The following LANCL1 variants were observed in gnomAD, a reference collection of about 807,000 sequenced individuals.
The protein encoded by LANCL1 is glutathione S-transferase LANCL1.
LANCL1 carries 50 observed loss-of-function variants against 50.6 expected under a neutral mutation model. The observed-to-expected ratio is 0.99, with a 90% CI of 0.79 to 1.25. LANCL1 has a LOEUF of 1.25. Ranked by LOEUF, LANCL1 falls within the 50% of genes most tolerant of loss-of-function variation. The pLI is 0.00. For missense variants in LANCL1, 532 were observed against 480.7 expected (o/e 1.11, Z -1.00); for synonymous variants, 188 against 178.6 (o/e 1.05, Z -0.42).
chr2:210,476,231 G>T, intron 2 of LANCL1, 85 bp downstream of exon 2: 1 of 839,120 alleles, frequency 1.2e-6, no homozygotes, highest in South Asian at 1.5e-5. Flanking sequence ...AAAGGGGGAT[G>T]CTCAACTCTC....
intron 4 of LANCL1, among the ~76,000 whole-genome samples, chr2:210,454,817 T>G (rs1248654018): frequency 1.3e-5 from 2 of 152,204 alleles, no homozygotes; most frequent in African/African-American, 4.8e-5. Context: ...TTACAGATCT[T>G]GGATAGCACT....
At chr2:210,471,492 G>A in intron 3 of LANCL1, 1 of 435,986 alleles carries the variant, frequency 2.3e-6, no homozygotes, top group Non-Finnish European at 4.6e-6. Context: ...TTAGTTCATG[G>A]AAGTAATACT....
intron 3 of LANCL1, among the ~76,000 whole-genome samples, chr2:210,471,235 T>C (rs1034889378): frequency 1.3e-5 from 2 of 151,858 alleles, no homozygotes; most frequent in East Asian, 3.9e-4. Context: ...TTAGTAAAGA[T>C]GGGGTTGCAC....
At chr2:210,461,286 A>T (rs2105915463) in intron 3 of LANCL1, among the ~76,000 whole-genome samples, 1 of 152,048 alleles carries the variant, frequency 6.6e-6, no homozygotes, top group Admixed American at 6.6e-5. Context: ...AGCTCTTTCT[A>T]CTTGTCCTAA....
intron 6 of LANCL1, 106 bp downstream of exon 6, chr2:210,440,492 G>T: frequency 9.3e-7 from 1 of 1,075,470 alleles, no homozygotes; most frequent in Non-Finnish European, 1.3e-6. Context: ...CTGTAATGCA[G>T]TGGTTGACAG....
intron 6 of LANCL1, among the ~76,000 whole-genome samples, chr2:210,438,606 G>A (rs1176625815): frequency 3.3e-5 from 5 of 152,094 alleles, no homozygotes; most frequent in Admixed American, 1.3e-4. Context: ...CATGACTTTC[G>A]TTATTACATT....
rs748440609 is a variant in LANCL1, at chr2:210,440,684, T to C, written c.604A>G (p.Lys202Glu). The C allele has an allele frequency of 5.6e-6, 9 of 1,613,976 alleles. No individual in the cohort carries two copies. The East Asian group carries it at 2.0e-4, about 36-fold the overall frequency. Residue 202 changes from lysine to glutamate, a missense_variant, in exon 6 of 10, where the codon AAG (lysine) becomes GAG (glutamate). Transcript: ENST00000450366. Reference sequence around the variant, plus strand: ...TACCATTCATACATCAGTGGAGACTTTGCCGTGAAGTTTCTCTTCCTAGCT... The same window carrying C: ...TACCATTCATACATCAGTGGAGACTCTGCCGTGAAGTTTCTCTTCCTAGCT... ...NLARKRNFTA[K>E]SPLMYEWYQE...
rs1694244491 is a variant in LANCL1, at chr2:210,472,090, G to A, written c.82-14C>T. On this transcript the variant is annotated splice_polypyrimidine_tract_variant and intron_variant, in intron 2 of 9. Transcript: ENST00000450366. The stretch of plus-strand genomic sequence containing the variant: ...CTCAGGAGTCAGCTAGATATTAAAG[G>A]AAAACAAGTATCAAAATAATGTGGG... 4 of 1,563,370 alleles carry A rather than the reference G, an allele frequency of 2.6e-6. No homozygotes were observed. Among genetic ancestry groups the A allele is most frequent in the Non-Finnish European group, 2.6e-6 (3 of 1,134,290 alleles).
intron 4 of LANCL1, among the ~76,000 whole-genome samples, chr2:210,443,234 G>A (rs1374467689): frequency 6.6e-6 from 1 of 152,182 alleles, no homozygotes; most frequent in Non-Finnish European, 1.5e-5. Flanking sequence ...TTTGACCTCT[G>A]AGAATGTTCC....
chr2:210,464,783 G>C (rs1693987889), intron 3 of LANCL1, among the ~76,000 whole-genome samples: 1 of 147,732 alleles, frequency 6.8e-6, no homozygotes, highest in Non-Finnish European at 1.5e-5. Flanking sequence ...TGGCTAACAA[G>C]GTGAAACCCC....
chr2:210,439,023 G>C (rs1026977568), intron 6 of LANCL1, among the ~76,000 whole-genome samples: 9 of 152,132 alleles, frequency 5.9e-5, no homozygotes, highest in Admixed American at 5.9e-4. Context: ...ACAAGATTCT[G>C]AAAGTGGACT....
At chr2:210,446,638 T>TAA (rs1693338999) in intron 4 of LANCL1, among the ~76,000 whole-genome samples, 1 of 151,536 alleles carries the variant, frequency 6.6e-6, no homozygotes, top group Non-Finnish European at 1.5e-5. Flanking sequence ...CTAACTAGAA[T>TAA]AACCAGTTTT....
chr2:210,474,951 GC>G (rs1418814352), intron 2 of LANCL1, among the ~76,000 whole-genome samples: 1 of 152,058 alleles, frequency 6.6e-6, no homozygotes, highest in Non-Finnish European at 1.5e-5. Flanking sequence ...CAGAATGCAG[GC>G]CCAAATGGCC....
chr2:210,466,127 G>C (rs1294696256), intron 3 of LANCL1, among the ~76,000 whole-genome samples: 2 of 152,142 alleles, frequency 1.3e-5, no homozygotes, highest in Admixed American at 6.5e-5. Flanking sequence ...CCTTGATGTA[G>C]GGAAATATCT....
intron 2 of LANCL1, among the ~76,000 whole-genome samples, chr2:210,472,896 G>C (rs774610468): frequency 6.6e-6 from 1 of 152,156 alleles, no homozygotes; most frequent in Non-Finnish European, 1.5e-5. Flanking sequence ...AAGGGTCTAA[G>C]GCAAGTAATA....
chr2:210,448,935 A>G (rs1292113018), intron 4 of LANCL1, among the ~76,000 whole-genome samples: 4 of 152,182 alleles, frequency 2.6e-5, no homozygotes. Flanking sequence ...TACAAGGAGG[A>G]GCTGGTACCA....
At chr2:210,447,899 A>G (rs1344306223) in intron 4 of LANCL1, among the ~76,000 whole-genome samples, 1 of 152,060 alleles carries the variant, frequency 6.6e-6, no homozygotes, top group Non-Finnish European at 1.5e-5. Flanking sequence ...TCCCACACAA[A>G]AATAGTGGGA....
intron 3 of LANCL1, 149 bp from the exon 4 acceptor site, chr2:210,455,463 C>T (rs899282974): frequency 1.3e-5 from 9 of 672,316 alleles, no homozygotes; most frequent in Non-Finnish European, 2.2e-5. Flanking sequence ...ATTCTAGGCT[C>T]AGCTCTATTA....
intron 3 of LANCL1, among the ~76,000 whole-genome samples, chr2:210,465,340 G>A (rs992621038): frequency 6.6e-6 from 1 of 152,214 alleles, no homozygotes; most frequent in East Asian, 1.9e-4. Context: ...TAGTGATGCT[G>A]AAAGTGCTTC....
Sources: gnomAD v4.1 joint callset for allele counts (sites outside exome capture counted in the v4.1 genomes callset) on GRCh38, gnomAD v4.1.1 for gene constraint, MANE v1.5 for transcripts, NCBI Gene and HGNC (gene_info 2026-07-23, HGNC 2026-07-21) for gene names.